The following CDK11A variants were observed in gnomAD, a reference collection of about 807,000 sequenced individuals.
CDK11A encodes cyclin-dependent kinase 11A.
In CDK11A, 55 loss-of-function variants were observed where a neutral mutation model predicts 83.6. That is an observed-to-expected ratio of 0.66 (90% confidence interval 0.53 to 0.82). The LOEUF (loss-of-function observed/expected upper bound fraction) is 0.82, where lower values mean the gene tolerates loss of function less well. Among genes scored for constraint, CDK11A ranks in the 40% least tolerant of loss-of-function variants. The probability of loss-of-function intolerance (pLI) is 0.00; values close to 1 mark genes in which losing one functional copy is unlikely to be tolerated. For missense variants in CDK11A, 564 were observed against 810.1 expected, an observed-to-expected ratio of 0.70 and a Z score of 3.69; for synonymous variants, 247 against 302.7, an observed-to-expected ratio of 0.82 and a Z score of 1.91.
intron 3 of CDK11A, among the ~76,000 whole-genome samples, chr1:1,721,249 G>A (rs1644894876): frequency 6.7e-6 from 1 of 150,238 alleles, no homozygotes; most frequent in South Asian, 2.1e-4. Flanking sequence ...TGAGCACACT[G>A]TCACAGTAAC....
chr1:1,707,909 G>T (rs1238783544), intron 10 of CDK11A, among the ~76,000 whole-genome samples: 1 of 137,392 alleles, frequency 7.3e-6, no homozygotes, highest in South Asian at 2.4e-4. Context: ...GGACAGGCCC[G>T]GAGCCACCAT....
intron 4 of CDK11A, among the ~76,000 whole-genome samples, chr1:1,717,185 C>A (rs61776859): frequency 0.81 from 121,496 of 150,802 alleles, 51,485 homozygotes; most frequent in Non-Finnish European, 0.93. Flanking sequence ...TTGTAATATT[C>A]ATCTTTTAAA....
intron 4 of CDK11A, 103 bp from the exon 5 acceptor site, chr1:1,716,581 A>T (rs909366147): frequency 8.2e-7 from 1 of 1,225,400 alleles, no homozygotes. Flanking sequence ...TGGGAGGCCG[A>T]GGCGGGTGGA....
Position 1,702,739 on chromosome 1 carries a change from C to G in CDK11A, c.*168G>C, listed in dbSNP as rs1644132860. The G allele has an allele frequency of 6.7e-6, 4 of 600,104 alleles. No homozygotes were observed. The highest frequency in any genetic ancestry group is 1.2e-5 in the Non-Finnish European group (4 of 336,906). The allele number at this position is 600,104 out of a possible 1,614,324, so 37.2% of individuals were successfully genotyped here. A position where few individuals can be genotyped will look rare whatever the true frequency, so the allele number is the denominator to read the frequency against. Reference sequence around the variant, plus strand: ...GGAGAAAACACAGCTCTTTCCTCCACAACAAGGAAAATGATTTAATTCTAC... The same window carrying G: ...GGAGAAAACACAGCTCTTTCCTCCAGAACAAGGAAAATGATTTAATTCTAC... On this transcript the variant is annotated 3_prime_UTR_variant, in exon 20 of 20. Coordinates refer to ENST00000404249, the MANE Select transcript of CDK11A (RefSeq NM_024011.4).
At chr1:1,721,155 T>C (rs1320848742) in intron 3 of CDK11A, among the ~76,000 whole-genome samples, 1 of 148,980 alleles carries the variant, frequency 6.7e-6, no homozygotes, top group Admixed American at 6.8e-5. Context: ...ATGGCGCCAC[T>C]GCACTCCAGC....
chr1:1,721,298 C>G (rs1644896525), intron 3 of CDK11A, among the ~76,000 whole-genome samples: 1 of 150,542 alleles, frequency 6.6e-6, no homozygotes, highest in Non-Finnish European at 1.5e-5. Context: ...CAATAGCACA[C>G]CCCGTCACGT....
chr1:1,707,102 C>A (rs1290516210), intron 11 of CDK11A, among the ~76,000 whole-genome samples: 1 of 143,622 alleles, frequency 7.0e-6, no homozygotes, highest in Non-Finnish European at 1.5e-5. Flanking sequence ...GCACTGCTCT[C>A]CAGTGCGGAG....
chr1:1,723,488 CAAAAAAAAAAAAA>C (rs768913380), intron 1 of CDK11A, among the ~76,000 whole-genome samples: 1 of 20,630 alleles, frequency 4.8e-5, no homozygotes, highest in African/African-American at 9.6e-5. Context: ...GACCCCGTCT[CAAAAAAAAAAAAA>C]AAAAAAAAAA....
chr1:1,717,731 A>G lies in CDK11A; in HGVS notation c.356-1253T>C, dbSNP rs112177208. On this transcript the variant is annotated intron_variant, in intron 4 of 19. Coordinates refer to ENST00000404249, the MANE Select transcript of CDK11A (RefSeq NM_024011.4). ...CACTTTCAGCTGGAGTATCCTCTCT[A>G]TAGCCCCTCTGAACGGTCTGTGACA... Among the ~76,000 whole-genome samples the G allele has an allele frequency of 2.2e-3, 257 of 119,272 alleles. 7 individuals carry two copies. The highest frequency in any genetic ancestry group is 8.1e-3 in the African/African-American group (247 of 30,520). 78.2% of individuals were successfully genotyped at this position (119,272 alleles called of 152,430 possible). A position where few individuals can be genotyped will look rare whatever the true frequency, so the allele number is the denominator to read the frequency against.
chr1:1,717,848 C>G (rs1230348169), intron 4 of CDK11A, among the ~76,000 whole-genome samples: 3 of 149,342 alleles, frequency 2.0e-5, no homozygotes, highest in African/African-American at 7.4e-5. Flanking sequence ...TATAGCCCCT[C>G]TGAACGGTCT....
At chr1:1,707,314 A>C in intron 11 of CDK11A, 95 bp downstream of exon 11, 3 of 1,276,400 alleles carry the variant, frequency 2.4e-6, no homozygotes, top group Non-Finnish European at 2.1e-6. Context: ...CTGTGAGGCG[A>C]CAGACGCCAA....
chr1:1,707,051 T>C (rs1361271515), intron 11 of CDK11A, among the ~76,000 whole-genome samples: 1 of 143,194 alleles, frequency 7.0e-6, no homozygotes, highest in African/African-American at 2.8e-5. Flanking sequence ...AACAAGGCCT[T>C]GGTGCCTACA....
rs1454621456 is a variant in CDK11A at position 1,702,700 on chromosome 1, C to G, written c.*207G>C. 2 of 630,812 alleles carry G rather than the reference C, an allele frequency of 3.2e-6. No homozygotes were observed. Among genetic ancestry groups the G allele is most frequent in the Non-Finnish European group, 5.6e-6 (2 of 357,956 alleles). 39.1% of individuals were successfully genotyped at this position (630,812 alleles called of 1,614,324 possible). A position where few individuals can be genotyped will look rare whatever the true frequency, so the allele number is the denominator to read the frequency against. On this transcript the variant is annotated 3_prime_UTR_variant, in exon 20 of 20. Coordinates refer to ENST00000404249, the MANE Select transcript of CDK11A (RefSeq NM_024011.4). ...TGCCCCACGTGGGCACCCGAAGATG[C>G]CCTGGCAAGTCACGGAGAAAACACA... is the stretch of plus-strand genomic sequence containing the variant.
chr1:1,704,005 G>C (rs1644197108), intron 16 of CDK11A, 34 bp downstream of exon 16: 2 of 1,603,056 alleles, frequency 1.2e-6, no homozygotes, highest in South Asian at 2.2e-5. Flanking sequence ...GCTGCATGGG[G>C]GACAGGGGAG....
rs546706532 is a variant in CDK11A at position 1,720,938 on chromosome 1, C to G, written c.227+658G>C. On this transcript the variant is annotated intron_variant, in intron 3 of 19. Coordinates refer to ENST00000404249, the MANE Select transcript of CDK11A (RefSeq NM_024011.4). Reference sequence around the variant, plus strand: ...ACCTCAATAGTTGTAACAGCATGCCCTGTCACAGTAATCCTAGGTCGTGGC... The same window carrying G: ...ACCTCAATAGTTGTAACAGCATGCCGTGTCACAGTAATCCTAGGTCGTGGC... Among the ~76,000 whole-genome samples the G allele has an allele frequency of 6.0e-5, 9 of 151,198 alleles. 1 individual carries two copies. Among genetic ancestry groups the G allele is most frequent in the Non-Finnish European group, 8.9e-5 (6 of 67,670 alleles).
chr1:1,717,151 C>A (rs1415992297), intron 4 of CDK11A, among the ~76,000 whole-genome samples: 1 of 150,962 alleles, frequency 6.6e-6, no homozygotes, highest in African/African-American at 2.4e-5. Context: ...AAAAGAAAAA[C>A]AATTCTGCTA....
Position 1,716,135 on chromosome 1 carries a change from T to G in CDK11A, c.488+211A>C, listed in dbSNP as rs538318978. Among the ~76,000 whole-genome samples, 8 of 150,888 alleles carry G rather than the reference T, an allele frequency of 5.3e-5. 1 individual carries two copies. Among genetic ancestry groups the G allele is most frequent in the African/African-American group, 1.9e-4 (8 of 41,152 alleles). On this transcript the variant is annotated intron_variant, in intron 5 of 19. Transcript: ENST00000404249. Reference sequence around the variant, plus strand: ...CCTTCATTGTCTTCCCTCAATCAAATCACACCCGTTCTTACTTCCAGATGC... The same window carrying G: ...CCTTCATTGTCTTCCCTCAATCAAAGCACACCCGTTCTTACTTCCAGATGC...
At chr1:1,715,612 G>A (rs1013070512) in intron 5 of CDK11A, among the ~76,000 whole-genome samples, 1 of 149,922 alleles carries the variant, frequency 6.7e-6, no homozygotes, top group African/African-American at 2.4e-5. Flanking sequence ...AAGAACCAGC[G>A]CCCTCTCATC....
rs370759338 is a variant in CDK11A at position 1,721,608 on chromosome 1, G to C, written c.215C>G (p.Ser72Ter). 5.6e-6 allele frequency: 9 copies of C among 1,606,984 alleles called. 1 individual carries two copies. The highest frequency in any genetic ancestry group is 2.7e-5 in the African/African-American group (2 of 74,518). ...TACATCCGCTCACCTGTCTTCCATT[G>C]AGTCTTCTCTTCTATACGGGGAGTT... ...IRNSPYRRED[S>*]MEDRGEEDDS... is the part of the protein sequence containing the mutation. The change falls in exon 3 of 20, where the codon TCA (serine) becomes TGA (stop). Residue 72 changes from serine (S) to a stop codon, truncating the protein, a stop_gained. Transcript: ENST00000404249. LOFTEE classifies it high-confidence loss of function.
Sources: gnomAD v4.1 joint callset for allele counts (sites outside exome capture counted in the v4.1 genomes callset) on GRCh38, gnomAD v4.1.1 for gene constraint, MANE v1.5 for transcripts, NCBI Gene and HGNC (gene_info 2026-07-23, HGNC 2026-07-21) for gene names.